Variants in UNKL observed in about 807,000 individuals in gnomAD.
The protein encoded by UNKL is unk like zinc finger, also known as putative E3 ubiquitin-protein ligase UNKL.
UNKL carries 60 observed loss-of-function variants against 78.0 expected under a neutral mutation model. The ratio of observed to expected loss-of-function variants is 0.77; its 90% CI spans 0.63 to 0.95. The LOEUF is 0.95. UNKL is among the 40% of genes least tolerant of loss of function. The pLI is 0.00. For missense variants in UNKL, 1,159 were observed against 1,045.7 expected (o/e 1.11, Z -1.49); for synonymous variants, 608 against 474.8 (o/e 1.28, Z -3.65).
intron 7 of UNKL, among the ~76,000 whole-genome samples, chr16:1,393,226 T>TC (rs1460499198): frequency 2.6e-5 from 4 of 152,038 alleles, no homozygotes. Flanking sequence ...ATAGCTGCCC[T>TC]CCCCACTAAA....
intron 3 of UNKL, among the ~76,000 whole-genome samples, chr16:1,402,414 G>A (rs1316244150): frequency 1.3e-5 from 2 of 152,106 alleles, no homozygotes; most frequent in African/African-American, 2.4e-5. Context: ...TGTAATCCCA[G>A]AATTTCAGGA....
At chr16:1,369,996 C>T in intron 12 of UNKL, 134 bp downstream of exon 12, 2 of 1,551,106 alleles carry the variant, frequency 1.3e-6, no homozygotes, top group Non-Finnish European at 8.7e-7. Flanking sequence ...AACCTGTGAG[C>T]AGCAGGTCAT....
intron 9 of UNKL, 100 bp downstream of exon 9, chr16:1,390,532 C>T (rs1373935194): frequency 3.7e-5 from 48 of 1,297,156 alleles, no homozygotes; most frequent in Non-Finnish European, 5.0e-5. Context: ...GATGCATGAG[C>T]GCTGCCCTAA....
In UNKL at chr16:1,413,959, G is replaced by A. The variant is rs768298679; in HGVS notation, c.174C>T (p.Leu58=). 2.6e-6 allele frequency: 4 copies of A among 1,552,780 alleles called. No homozygotes were observed. The highest frequency in any genetic ancestry group is 2.7e-5 in the African/African-American group (2 of 73,086). ...GGAGGGGCCTGCGGCGCCGCTGGTT[G>A]AGGAAGTGCCAGTGGAAGCAGGTGA... The part of the protein sequence containing the change: ...RPFTCFHWHF[L]NQRRRRPLRR... Residue 58 remains leucine, a synonymous_variant, in exon 2 of 15, where the codon CTC becomes CTT. Coordinates refer to ENST00000389221, the MANE Select transcript of UNKL (RefSeq NM_001372107.1).
At position 1,394,074 on chromosome 16, in the gene UNKL, G is replaced by A. The variant is rs2037159108; in HGVS notation, c.937+57C>T. 2 of 1,513,854 alleles carry A rather than the reference G, an allele frequency of 1.3e-6. 1 individual carries two copies. Among genetic ancestry groups the A allele is most frequent in the South Asian group, 2.4e-5 (2 of 83,274 alleles). 93.8% of individuals were successfully genotyped at this position (1,513,854 alleles called of 1,614,324 possible). ...CCGGGTCATCGGTAACTCCAGTGAG[G>A]GCCTGCAGAGCCGCGGAACCTGCTA... On this transcript the variant is annotated intron_variant, in intron 7 of 14. Transcript: ENST00000389221.
chr16:1,371,645 C>A, intron 10 of UNKL, 34 bp from the exon 11 acceptor site: 4 of 1,532,198 alleles, frequency 2.6e-6, no homozygotes, highest in Non-Finnish European at 3.5e-6. Flanking sequence ...CCACAGCCCA[C>A]CCAGCGCTGC....
chr16:1,366,684 C>T (rs1021910709), intron 14 of UNKL, among the ~76,000 whole-genome samples: 1 of 152,226 alleles, frequency 6.6e-6, no homozygotes, highest in African/African-American at 2.4e-5. Flanking sequence ...GCTGGGTGCC[C>T]AGGATGTGGG....
At chr16:1,398,847 CGGT>C in intron 5 of UNKL, 1 of 1,568,188 alleles carries the variant, frequency 6.4e-7, no homozygotes. Flanking sequence ...GGGGCTCAGG[CGGT>C]GGAGGAAGGT....
intron 8 of UNKL, among the ~76,000 whole-genome samples, chr16:1,392,272 G>A (rs905521140): frequency 2.0e-5 from 3 of 152,092 alleles, no homozygotes; most frequent in Non-Finnish European, 2.9e-5. Flanking sequence ...TTCCTGCCTC[G>A]AAGCCGGGCG....
Position 1,367,319 on chromosome 16 carries a change from C to A in UNKL, c.1819G>T (p.Glu607Ter). The A allele has an allele frequency of 6.5e-7, 1 of 1,549,646 alleles. No individual in the cohort carries two copies. The change falls in exon 14 of 15, where the codon GAG (glutamate) becomes TAG (stop). Residue 607 changes from glutamate to a stop codon, truncating the protein, a stop_gained. Coordinates refer to ENST00000389221, the MANE Select transcript of UNKL (RefSeq NM_001372107.1). LOFTEE classifies it high-confidence loss of function. ...GCCACACGGGCACGCTCCTTGGCCTCCTGCGCCTCTCGCTGCCAGGCATCG... is the reference window on the plus strand; with the variant it reads ...GCCACACGGGCACGCTCCTTGGCCTACTGCGCCTCTCGCTGCCAGGCATCG... ...VCDAWQREAQ[E>*]AKERARVADS... is the part of the protein sequence containing the mutation.
At chr16:1,378,876 G>A (rs534643587) in intron 10 of UNKL, 1 of 152,590 alleles carries the variant, frequency 6.6e-6, no homozygotes, top group Admixed American at 6.5e-5. Flanking sequence ...GCACCGTCCT[G>A]GCCCACTTTC....
At position 1,385,193 on chromosome 16, in the gene UNKL, C is replaced by T. The variant is rs941169924; in HGVS notation, c.1264+15G>A. The T allele has an allele frequency of 1.8e-5, 23 of 1,244,756 alleles. No homozygotes were observed. Among genetic ancestry groups the T allele is most frequent in the East Asian group, 6.4e-5 (2 of 31,138 alleles). The allele number at this position is 1,244,756 out of a possible 1,614,324, so 77.1% of individuals were successfully genotyped here. A position where few individuals can be genotyped will look rare whatever the true frequency, so the allele number is the denominator to read the frequency against. On this transcript the variant is annotated intron_variant, in intron 10 of 14. Coordinates refer to ENST00000389221, the MANE Select transcript of UNKL (RefSeq NM_001372107.1). ...GAAGGAGGTCAGGGAGAAAGGAGGA[C>T]GGTGCTGGACTTACCGAGGACGGCC...
chr16:1,414,668 C>G lies in UNKL; in HGVS notation c.24G>C (p.Ala8=), dbSNP rs1361531704. The change falls in exon 1 of 15, where the codon GCG becomes GCC. Residue 8 remains alanine, a synonymous_variant. Transcript: ENST00000389221. The part of the protein sequence containing the change: MPSVSKA[A]AAALSGSPPQ... ...GGGGGGACCCGCTCAGCGCCGCTGC[C>G]GCCGCTTTCGAAACCGACGGCATTT... The G allele has an allele frequency of 5.2e-6, 6 of 1,152,484 alleles. No homozygotes were observed. The highest frequency in any genetic ancestry group is 1.7e-5 in the African/African-American group (1 of 59,646). 71.4% of individuals were successfully genotyped at this position (1,152,484 alleles called of 1,614,324 possible). A position where few individuals can be genotyped will look rare whatever the true frequency, so the allele number is the denominator to read the frequency against.
chr16:1,371,728 G>T, intron 10 of UNKL, 117 bp from the exon 11 acceptor site: 1 of 1,084,724 alleles, frequency 9.2e-7, no homozygotes, highest in Non-Finnish European at 1.3e-6. Flanking sequence ...GGCAGAAGGC[G>T]TGGGAGTTGC....
At chr16:1,401,802 G>T in intron 3 of UNKL, 101 bp from the exon 4 acceptor site, 1 of 1,475,422 alleles carries the variant, frequency 6.8e-7, no homozygotes, top group Non-Finnish European at 9.0e-7. Flanking sequence ...ACTGCACAGA[G>T]AGGCTGCTGC....
intron 12 of UNKL, among the ~76,000 whole-genome samples, chr16:1,369,127 T>C (rs928002504): frequency 7.9e-6 from 1 of 126,124 alleles, no homozygotes; most frequent in Non-Finnish European, 1.6e-5. Context: ...TGGAGTGCAG[T>C]GGCACAATCT....
rs1335900192 is a variant in UNKL at position 1,399,658 on chromosome 16, T to TG, written c.599-150dup. The TG allele has an allele frequency of 1.6e-6, 2 of 1,213,496 alleles. No individual in the cohort carries two copies. Among genetic ancestry groups the TG allele is most frequent in the Non-Finnish European group, 2.3e-6 (2 of 873,830 alleles). The allele number at this position is 1,213,496 out of a possible 1,614,324, so 75.2% of individuals were successfully genotyped here. A position where few individuals can be genotyped will look rare whatever the true frequency, so the allele number is the denominator to read the frequency against. ...CGCAGACACACGCCACGGCACACGCTGATGTCAAAGGACTCGCGCTCCATG... is the reference window on the plus strand; with the variant it reads ...CGCAGACACACGCCACGGCACACGCTGGATGTCAAAGGACTCGCGCTCCATG... On this transcript the variant is annotated intron_variant, in intron 4 of 14. Coordinates refer to ENST00000389221, the MANE Select transcript of UNKL (RefSeq NM_001372107.1). This position sits in a 1 kb window ranked among gnomAD's most constrained non-coding sequence, Gnocchi z 5.8.
chr16:1,392,108 T>C (rs1244015581), intron 8 of UNKL, among the ~76,000 whole-genome samples: 1 of 152,306 alleles, frequency 6.6e-6, no homozygotes, highest in East Asian at 1.9e-4. Flanking sequence ...AACCGAGCCA[T>C]TCACCTAAGG....
Position 1,387,175 on chromosome 16 carries a change from G to A in UNKL, c.1087-1790C>T, listed in dbSNP as rs1366439437. Among the ~76,000 whole-genome samples, 3 of 151,476 alleles carry A rather than the reference G, an allele frequency of 2.0e-5. No homozygotes were observed. The highest frequency in any genetic ancestry group is 7.3e-5 in the African/African-American group (3 of 41,002). On this transcript the variant is annotated intron_variant, in intron 9 of 14. Coordinates refer to ENST00000389221, the MANE Select transcript of UNKL (RefSeq NM_001372107.1). The surrounding 1 kb of genome is among the most constrained non-coding windows in gnomAD (Gnocchi z 4.1). ...ACCCTCCCAGCCATGCAGCACCGGG[G>A]ACCCTCCCAGCCATGCAACACCGGG...
Sources: allele counts gnomAD v4.1 joint callset (sites outside exome capture counted in the v4.1 genomes callset), GRCh38; gene constraint gnomAD v4.1.1; non-coding constraint Gnocchi (gnomAD v3.1); transcripts MANE v1.5; gene names NCBI Gene and HGNC (gene_info 2026-07-23, HGNC 2026-07-21).